CACNA2D1: variants seen among roughly 807,000 people sequenced by gnomAD.
CACNA2D1 encodes voltage-dependent calcium channel subunit alpha-2/delta-1.
A neutral mutation model predicts 171.5 loss-of-function variants in CACNA2D1; 53 were observed. The ratio of observed to expected loss-of-function variants is 0.31; its 90% confidence interval spans 0.25 to 0.39. The LOEUF is 0.39. Among genes scored for constraint, CACNA2D1 ranks in the 10% least tolerant of loss-of-function variants. The probability of loss-of-function intolerance (pLI) is 1.00; values close to 1 mark genes in which losing one functional copy is unlikely to be tolerated. For missense variants in CACNA2D1, 903 were observed against 1,299.8 expected (o/e 0.69, Z 4.69); for synonymous variants, 442 against 443.1 (o/e 1.00, Z 0.03).
At chr7:82,144,676 C>G (rs1306192551) in intron 4 of CACNA2D1, among the ~76,000 whole-genome samples, 1 of 151,930 alleles carries the variant, frequency 6.6e-6, no homozygotes, top group Non-Finnish European at 1.5e-5. Context: ...AACTAAAGGT[C>G]AAAAATCACC....
At chr7:82,292,935 T>G (rs1048608510) in intron 3 of CACNA2D1, among the ~76,000 whole-genome samples, 1 of 151,838 alleles carries the variant, frequency 6.6e-6, no homozygotes, top group Non-Finnish European at 1.5e-5. Flanking sequence ...TACAAATATA[T>G]ACACACACAC....
intron 1 of CACNA2D1, among the ~76,000 whole-genome samples, chr7:82,434,255 C>A (rs1379549239): frequency 2.6e-5 from 4 of 152,212 alleles, no homozygotes; most frequent in African/African-American, 9.6e-5. Flanking sequence ...AAAAATATTT[C>A]TCTTTTTGGT....
intron 32 of CACNA2D1, 103 bp from the exon 33 acceptor site, chr7:81,964,462 GAACTAC>G: frequency 1.1e-6 from 1 of 876,626 alleles, no homozygotes; most frequent in South Asian, 1.6e-5. Context: ...CAAAGAAACT[GAACTAC>G]AACTGAGGAG....
At chr7:82,252,661 G>A (rs2129317628) in intron 3 of CACNA2D1, among the ~76,000 whole-genome samples, 1 of 152,320 alleles carries the variant, frequency 6.6e-6, no homozygotes, top group African/African-American at 2.4e-5. Flanking sequence ...GGAGGCCAAG[G>A]CGGGCAGATC....
chr7:82,227,562 A>G (rs1225394067), intron 3 of CACNA2D1, among the ~76,000 whole-genome samples: 1 of 152,188 alleles, frequency 6.6e-6, no homozygotes, highest in African/African-American at 2.4e-5. Flanking sequence ...TGTCCCTAGA[A>G]TGTAGAAGGG....
At chr7:82,111,444 ATTTTT>A (rs869125211) in intron 6 of CACNA2D1, among the ~76,000 whole-genome samples, 19 of 69,954 alleles carry the variant, frequency 2.7e-4, no homozygotes, top group African/African-American at 1.2e-3. Context: ...ATATATATAT[ATTTTT>A]TTTTTTTTTT....
At chr7:82,415,415 T>G (rs1398129755) in intron 1 of CACNA2D1, among the ~76,000 whole-genome samples, 1 of 151,970 alleles carries the variant, frequency 6.6e-6, no homozygotes, top group Non-Finnish European at 1.5e-5. Flanking sequence ...GTGCCTGTGG[T>G]CCCTGCTACT....
At chr7:81,993,419 A>T (rs1163846871) in intron 20 of CACNA2D1, among the ~76,000 whole-genome samples, 1 of 152,180 alleles carries the variant, frequency 6.6e-6, no homozygotes, top group East Asian at 1.9e-4. Context: ...AATGAACTTC[A>T]AAGTTAATAG....
Position 82,066,495 on chromosome 7 carries a change from G to C in CACNA2D1, c.688C>G (p.Pro230Ala). 1 of 1,604,356 alleles carries C rather than the reference G, an allele frequency of 6.2e-7. No homozygotes were observed. The highest frequency in any genetic ancestry group is 2.2e-5 in the East Asian group (1 of 44,514). The change falls in exon 8 of 39, where the codon CCA (proline) becomes GCA (alanine). Residue 230 changes from proline to alanine, a missense_variant. Physicochemically the swap from Pro to Ala is conservative, Grantham distance 27. This residue lies in a region of CACNA2D1 where 189 missense variants were observed against 266.8 expected (regional missense o/e 0.71). Coordinates refer to ENST00000356860, the MANE Select transcript of CACNA2D1 (RefSeq NM_000722.4). ...ASPWVDNSRTPNKIDLYDVRR... is the reference protein window; with the variant it reads ...ASPWVDNSRTANKIDLYDVRR... ...ACATCATAAAGGTCAATCTTATTTG[G>C]AGTTCTACTATTATCAACCCATGGT...
At chr7:81,963,580 T>C (rs1017773664) in intron 34 of CACNA2D1, among the ~76,000 whole-genome samples, 5 of 151,956 alleles carry the variant, frequency 3.3e-5, no homozygotes, top group African/African-American at 1.2e-4. Context: ...ATTAGATCCA[T>C]GTCGGCAACC....
chr7:82,347,775 T>C (rs774354024), intron 2 of CACNA2D1, among the ~76,000 whole-genome samples: 29 of 150,724 alleles, frequency 1.9e-4, no homozygotes, highest in Non-Finnish European at 3.2e-4. Context: ...ATGAGGTATG[T>C]ATCCCATAAA....
Position 82,165,180 on chromosome 7 carries a change from T to C in CACNA2D1, c.354+5370A>G, listed in dbSNP as rs976625228. Reference sequence around the variant, plus strand: ...AACCACCTTCTACCTCCCCATTTCCTAAGCCAAGGGTGTTTGTCCTCTTTT... The same window carrying C: ...AACCACCTTCTACCTCCCCATTTCCCAAGCCAAGGGTGTTTGTCCTCTTTT... On this transcript the variant is annotated intron_variant, in intron 4 of 38. Coordinates refer to ENST00000356860, the MANE Select transcript of CACNA2D1 (RefSeq NM_000722.4). Among the ~76,000 whole-genome samples, 6 of 152,006 alleles carry C rather than the reference T, an allele frequency of 3.9e-5. No homozygotes were observed. In the South Asian group the frequency reaches 1.2e-3, roughly 31 times the overall value.
chr7:82,158,772 T>C (rs2129127513), intron 4 of CACNA2D1, among the ~76,000 whole-genome samples: 1 of 152,046 alleles, frequency 6.6e-6, no homozygotes, highest in South Asian at 2.1e-4. Flanking sequence ...TTCTGTCATC[T>C]TGGCTGGAGG....
chr7:82,299,972 C>T lies in CACNA2D1; in HGVS notation c.294+35163G>A, dbSNP rs369287564. On this transcript the variant is annotated intron_variant, in intron 3 of 38. Transcript: ENST00000356860. The stretch of plus-strand genomic sequence containing the variant: ...AGATAAATATGAACTGAAATGGGCG[C>T]GTATGGATTTTACCAGTTAGGAGAC... 2.4e-3 allele frequency among the ~76,000 whole-genome samples: 362 copies of T among 152,092 alleles called. 1 individual carries two copies. The highest frequency in any genetic ancestry group is 8.4e-3 in the African/African-American group (347 of 41,486).
chr7:82,046,345 A>G (rs1804554945), intron 10 of CACNA2D1, among the ~76,000 whole-genome samples: 1 of 152,170 alleles, frequency 6.6e-6, no homozygotes, highest in South Asian at 2.1e-4. Context: ...ATCTTCACTA[A>G]TGACACTCAT....
chr7:82,077,821 T>C (rs1200037419), intron 7 of CACNA2D1, among the ~76,000 whole-genome samples: 1 of 151,726 alleles, frequency 6.6e-6, no homozygotes, highest in Non-Finnish European at 1.5e-5. Context: ...CTATAAATAC[T>C]ATAAATGTTG....
chr7:82,083,684 C>T (rs751461120), intron 7 of CACNA2D1, among the ~76,000 whole-genome samples: 20 of 152,014 alleles, frequency 1.3e-4, no homozygotes, highest in South Asian at 4.2e-4. Context: ...TGGACTTATG[C>T]GGAAAAAAAT....
At chr7:82,057,369 T>C (rs1806045687) in intron 10 of CACNA2D1, among the ~76,000 whole-genome samples, 1 of 152,074 alleles carries the variant, frequency 6.6e-6, no homozygotes, top group Non-Finnish European at 1.5e-5. Context: ...GTGACCCACT[T>C]GGGAAAGGTG....
At chr7:82,369,628 A>C (rs1050033284) in intron 1 of CACNA2D1, among the ~76,000 whole-genome samples, 3 of 152,120 alleles carry the variant, frequency 2.0e-5, no homozygotes, top group East Asian at 3.9e-4. Context: ...GACCATAAGC[A>C]AAATCCTATA....
Sources: gnomAD v4.1 joint callset for allele counts (sites outside exome capture counted in the v4.1 genomes callset) on GRCh38, gnomAD v4.1.1 for gene constraint, gnomAD v4.1.1 regional missense constraint, MANE v1.5 for transcripts, NCBI Gene and HGNC (gene_info 2026-07-23, HGNC 2026-07-21) for gene names.